Variants in FOXP1 observed in about 807,000 individuals in gnomAD.
FOXP1 encodes forkhead box P1.
In FOXP1, 15 loss-of-function variants were observed where a neutral mutation model predicts 98.2. The ratio of observed to expected loss-of-function variants is 0.15; its 90% CI spans 0.10 to 0.24. The LOEUF is 0.24. FOXP1 is among the 10% of genes least tolerant of loss of function. The pLI, the probability that FOXP1 is intolerant of heterozygous loss-of-function variation, is 1.00. For missense variants in FOXP1, 633 were observed against 848.5 expected, an observed-to-expected ratio of 0.75 and a Z score of 3.15; for synonymous variants, 371 against 314.5, an observed-to-expected ratio of 1.18 and a Z score of -1.90.
chr3:71,078,902 C>T (rs188288327), intron 7 of FOXP1, among the ~76,000 whole-genome samples: 68 of 152,238 alleles, frequency 4.5e-4, no homozygotes, highest in African/African-American at 1.6e-3. Context: ...GCTTCTCTTT[C>T]GTTACCTGGA....
At chr3:71,028,761 A>G (rs1020659763) in intron 11 of FOXP1, among the ~76,000 whole-genome samples, 1 of 152,234 alleles carries the variant, frequency 6.6e-6, no homozygotes, top group Non-Finnish European at 1.5e-5. Flanking sequence ...CCTAACGTAG[A>G]ATCAGTTGGG....
intron 3 of FOXP1, among the ~76,000 whole-genome samples, chr3:71,422,345 C>T (rs2083724474): frequency 6.6e-6 from 1 of 152,228 alleles, no homozygotes; most frequent in Non-Finnish European, 1.5e-5. Context: ...CTCCTTAAAC[C>T]TAAATGCACG....
At chr3:71,412,522 A>G (rs1273106875) in intron 3 of FOXP1, among the ~76,000 whole-genome samples, 1 of 152,218 alleles carries the variant, frequency 6.6e-6, no homozygotes, top group Non-Finnish European at 1.5e-5. Flanking sequence ...ACATAAAGCC[A>G]AAGAAAATCA....
rs1183472704 is a variant in FOXP1, at chr3:71,087,926, G to A, written c.282+24610C>T. Among the ~76,000 whole-genome samples, 2 of 152,142 alleles carry A rather than the reference G, an allele frequency of 1.3e-5. 1 individual carries two copies. Among genetic ancestry groups the A allele is most frequent in the East Asian group, 3.9e-4 (2 of 5,190 alleles). On this transcript the variant is annotated intron_variant, in intron 7 of 20. Transcript: ENST00000649528. ...GTATAAGTTTTGTAAAATCTTTGTG[G>A]GGAGAGAAAGGGGAAATACACACTA...
chr3:71,331,603 G>A (rs1230018170), intron 4 of FOXP1, among the ~76,000 whole-genome samples: 1 of 152,232 alleles, frequency 6.6e-6, no homozygotes, highest in African/African-American at 2.4e-5. Flanking sequence ...TCTAGCTAAG[G>A]GATTGTAAAT....
At chr3:71,469,443 C>T (rs1188268631) in intron 3 of FOXP1, among the ~76,000 whole-genome samples, 5 of 152,224 alleles carry the variant, frequency 3.3e-5, no homozygotes, top group Admixed American at 3.3e-4. Context: ...CCTTCTAAGT[C>T]ACCTTCTTGT....
intron 6 of FOXP1, among the ~76,000 whole-genome samples, chr3:71,182,680 C>A (rs966094340): frequency 2.0e-5 from 3 of 151,760 alleles, no homozygotes; most frequent in Admixed American, 1.3e-4. Flanking sequence ...CAGGCAAGTG[C>A]CGCCATGCCC....
At chr3:71,073,676 G>A (rs911594661) in intron 7 of FOXP1, among the ~76,000 whole-genome samples, 4 of 152,240 alleles carry the variant, frequency 2.6e-5, no homozygotes. Context: ...CCGAGGGGGT[G>A]TCAACTTCTA....
At chr3:71,072,177 C>T (rs773533452) in intron 7 of FOXP1, among the ~76,000 whole-genome samples, 1 of 152,040 alleles carries the variant, frequency 6.6e-6, no homozygotes, top group Admixed American at 6.5e-5. Flanking sequence ...AAAAAATTAG[C>T]CAGGCATGGC....
chr3:71,481,752 C>G (rs573576527), intron 3 of FOXP1, among the ~76,000 whole-genome samples: 27 of 152,090 alleles, frequency 1.8e-4, no homozygotes, highest in Admixed American at 2.0e-4. Context: ...TTATTCTTAC[C>G]TTTCTTGAGA....
intron 3 of FOXP1, among the ~76,000 whole-genome samples, chr3:71,382,706 C>T (rs1237406348): frequency 6.6e-6 from 1 of 152,210 alleles, no homozygotes; most frequent in Non-Finnish European, 1.5e-5. Flanking sequence ...TGGATCAAGT[C>T]TCTCCTGCAG....
At chr3:71,551,499 G>A (rs890180570) in intron 2 of FOXP1, among the ~76,000 whole-genome samples, 1 of 152,174 alleles carries the variant, frequency 6.6e-6, no homozygotes, top group Non-Finnish European at 1.5e-5. Flanking sequence ...GCAATGGCCT[G>A]GACAGACAGA....
chr3:71,516,123 CCA>C (rs1346330699), intron 2 of FOXP1, among the ~76,000 whole-genome samples: 2 of 152,180 alleles, frequency 1.3e-5, no homozygotes, highest in East Asian at 1.9e-4. Flanking sequence ...CAACATCGTG[CCA>C]CAGTCTTTTA....
intron 5 of FOXP1, among the ~76,000 whole-genome samples, chr3:71,291,128 G>T (rs1376111134): frequency 1.3e-5 from 2 of 151,956 alleles, no homozygotes; most frequent in African/African-American, 2.4e-5. Flanking sequence ...TGTTTATCAC[G>T]CTTCGCTGGT....
intron 5 of FOXP1, among the ~76,000 whole-genome samples, chr3:71,247,066 T>C (rs1209672323): frequency 6.6e-6 from 1 of 150,884 alleles, no homozygotes; most frequent in Non-Finnish European, 1.5e-5. Flanking sequence ...CAATAAAAAT[T>C]GAAATGGGCC....
At chr3:71,222,005 T>C (rs915217077) in intron 5 of FOXP1, among the ~76,000 whole-genome samples, 2 of 152,054 alleles carry the variant, frequency 1.3e-5, no homozygotes, top group African/African-American at 4.8e-5. Context: ...ATACAAAAAT[T>C]ACCTGGGCAT....
At chr3:71,182,144 T>C (rs1036553738) in intron 6 of FOXP1, among the ~76,000 whole-genome samples, 1 of 152,104 alleles carries the variant, frequency 6.6e-6, no homozygotes, top group Non-Finnish European at 1.5e-5. Context: ...AAATGTTAGA[T>C]AATGAGTAGT....
At chr3:71,315,076 A>G (rs1384058120) in intron 4 of FOXP1, among the ~76,000 whole-genome samples, 2 of 76,106 alleles carry the variant, frequency 2.6e-5, no homozygotes, top group African/African-American at 4.4e-5. Context: ...CACCTGGTCC[A>G]TGTAAAAAAA....
At chr3:71,085,735 C>CTTTTTTTTTTTTTTT (rs56318177) in intron 7 of FOXP1, among the ~76,000 whole-genome samples, 11,305 of 36,862 alleles carry the variant, frequency 0.31, 5,227 homozygotes, top group East Asian at 0.71. Context: ...CATTTATGGC[C>CTTTTTTTTTTTTTTT]TTTTTTTTTT....
Sources: allele counts gnomAD v4.1 joint callset (sites outside exome capture counted in the v4.1 genomes callset), GRCh38; gene constraint gnomAD v4.1.1; transcripts MANE v1.5; gene names NCBI Gene and HGNC (gene_info 2026-07-23, HGNC 2026-07-21).